GLRB: variants seen among roughly 807,000 people sequenced by gnomAD.
GLRB encodes the protein glycine receptor subunit beta.
Under a neutral mutation model 54.2 loss-of-function variants are expected in GLRB, and 33 were observed. That is an observed-to-expected ratio of 0.61 (90% CI 0.46 to 0.81). The LOEUF is 0.81. Ranked by LOEUF, GLRB falls within the 40% of genes least tolerant of loss-of-function variation. The probability of loss-of-function intolerance (pLI) is 0.00; values close to 1 mark genes in which losing one functional copy is unlikely to be tolerated. For missense variants in GLRB, 572 were observed against 584.6 expected, an observed-to-expected ratio of 0.98 and a Z score of 0.22; for synonymous variants, 209 against 208.2, an observed-to-expected ratio of 1.00 and a Z score of -0.03.
chr4:157,088,809 T>G (rs1734503711), intron 2 of GLRB, among the ~76,000 whole-genome samples: 1 of 152,176 alleles, frequency 6.6e-6, no homozygotes. Flanking sequence ...CTTTTTTTCC[T>G]AAGTGCTTAC....
At chr4:157,108,122 G>A (rs551951441) in intron 2 of GLRB, among the ~76,000 whole-genome samples, 1 of 152,156 alleles carries the variant, frequency 6.6e-6, no homozygotes, top group South Asian at 2.1e-4. Flanking sequence ...ACTGCTCATT[G>A]ACAATGCACC....
rs374406425 is a variant in GLRB at position 157,162,718 on chromosome 4, C to T, written c.1198-7714C>T. Among the ~76,000 whole-genome samples, 161 of 152,242 alleles carry T rather than the reference C, an allele frequency of 1.1e-3. 4 individuals carry two copies. The South Asian group carries it at 0.032, about 30-fold the overall frequency. On this transcript the variant is annotated intron_variant, in intron 9 of 9. Transcript: ENST00000264428. Reference sequence around the variant, plus strand: ...GGAGGGTTCGTCTCAGTGGGGCACCCGGCTGTATGAGGTGTCAGTTGGCCC... The same window carrying T: ...GGAGGGTTCGTCTCAGTGGGGCACCTGGCTGTATGAGGTGTCAGTTGGCCC...
In GLRB at chr4:157,138,745, G is replaced by T. The variant is rs183424970; in HGVS notation, c.611-64G>T. 3.0e-4 allele frequency: 245 copies of T among 828,888 alleles called. No homozygotes were observed. The African/African-American group carries it at 3.6e-3, about 12-fold the overall frequency. The allele number at this position is 828,888 out of a possible 1,614,324, so 51.3% of individuals were successfully genotyped here. A position where few individuals can be genotyped will look rare whatever the true frequency, so the allele number is the denominator to read the frequency against. On this transcript the variant is annotated intron_variant, in intron 6 of 9. Transcript: ENST00000264428. ...TTGCTATGTTTAAGATTTGAATTAT[G>T]AAAATATTTAAAAAGCATTATTAAT...
At chr4:157,156,490 A>G (rs1347735023) in intron 9 of GLRB, among the ~76,000 whole-genome samples, 1 of 152,130 alleles carries the variant, frequency 6.6e-6, no homozygotes, top group African/African-American at 2.4e-5. Flanking sequence ...GTTGAACAGC[A>G]ATAATCTGAC....
At chr4:157,089,058 A>T (rs1485609328) in intron 2 of GLRB, among the ~76,000 whole-genome samples, 1 of 152,216 alleles carries the variant, frequency 6.6e-6, no homozygotes, top group Non-Finnish European at 1.5e-5. Flanking sequence ...CCACTTAATC[A>T]TTCTATTAAG....
In GLRB at chr4:157,171,572, A is replaced by T. The variant is rs1169916287; in HGVS notation, c.*844A>T. 3 of 152,326 alleles carry T rather than the reference A, an allele frequency of 2.0e-5. No individual in the cohort carries two copies. The highest frequency in any genetic ancestry group is 6.6e-5 in the Admixed American group (1 of 15,228). 9.4% of individuals were successfully genotyped at this position (152,326 alleles called of 1,614,324 possible). A position where few individuals can be genotyped will look rare whatever the true frequency, so the allele number is the denominator to read the frequency against. On this transcript the variant is annotated 3_prime_UTR_variant, in exon 10 of 10. Transcript: ENST00000264428. Reference sequence around the variant, plus strand: ...CTTTTAAATTGGAATGCAGTAATAGATATGTGATTTTACATCATTTTTAAG... The same window carrying T: ...CTTTTAAATTGGAATGCAGTAATAGTTATGTGATTTTACATCATTTTTAAG...
At position 157,153,002 on chromosome 4, in the gene GLRB, A is replaced by T; in HGVS notation, c.1189A>T (p.Thr397Ser). 2.5e-6 allele frequency: 4 copies of T among 1,612,790 alleles called. No individual in the cohort carries two copies. The highest frequency in any genetic ancestry group is 3.4e-6 in the Non-Finnish European group (4 of 1,178,862). ...NGTGTPVHIS[T>S]LQVGETRCKK... is the part of the protein sequence containing the mutation. ...AACAGGGACTCCTGTTCATATTAGC[A>T]CTTTGCAGGTAAGGATAAAATTATG... Residue 397 changes from threonine (T) to serine (S), a missense_variant, in exon 9 of 10, where the codon ACT becomes TCT. By Grantham distance (58) the Thr-to-Ser change is moderately conservative. Coordinates refer to ENST00000264428, the MANE Select transcript of GLRB (RefSeq NM_000824.5).
chr4:157,110,576 G>C (rs1463354211), intron 2 of GLRB, among the ~76,000 whole-genome samples: 1 of 151,964 alleles, frequency 6.6e-6, no homozygotes, highest in Non-Finnish European at 1.5e-5. Context: ...ATAAAGATAT[G>C]ACTGTTTGTT....
chr4:157,084,433 A>G (rs1734333480), intron 2 of GLRB, among the ~76,000 whole-genome samples: 1 of 152,268 alleles, frequency 6.6e-6, no homozygotes, highest in African/African-American at 2.4e-5. Flanking sequence ...GAGGGCTGCT[A>G]TTATTTACAG....
At chr4:157,106,725 C>T (rs557295009) in intron 2 of GLRB, among the ~76,000 whole-genome samples, 1 of 152,000 alleles carries the variant, frequency 6.6e-6, no homozygotes, top group Non-Finnish European at 1.5e-5. Flanking sequence ...AGAATTACAC[C>T]ATCACCTTCC....
At chr4:157,128,660 G>A (rs1368309411) in intron 4 of GLRB, among the ~76,000 whole-genome samples, 1 of 151,772 alleles carries the variant, frequency 6.6e-6, no homozygotes, top group Non-Finnish European at 1.5e-5. Context: ...AATGGACTAT[G>A]AACATAGATC....
chr4:157,103,572 T>G (rs1357832160), intron 2 of GLRB, among the ~76,000 whole-genome samples: 1 of 152,186 alleles, frequency 6.6e-6, no homozygotes, highest in Non-Finnish European at 1.5e-5. Flanking sequence ...TTGTAAAAAT[T>G]TTCTATATGA....
intron 9 of GLRB, among the ~76,000 whole-genome samples, chr4:157,162,340 C>T (rs1472786171): frequency 1.2e-4 from 19 of 152,230 alleles, no homozygotes; most frequent in African/African-American, 4.6e-4. Context: ...TCTCTCAACT[C>T]GTCAAAGTCA....
At chr4:157,126,805 G>T (rs906389248) in intron 4 of GLRB, among the ~76,000 whole-genome samples, 3 of 151,768 alleles carry the variant, frequency 2.0e-5, no homozygotes, top group Non-Finnish European at 4.4e-5. Flanking sequence ...GTATTATCGT[G>T]TATTGTCATA....
intron 7 of GLRB, among the ~76,000 whole-genome samples, chr4:157,142,388 T>C (rs930232678): frequency 1.3e-5 from 2 of 152,152 alleles, no homozygotes; most frequent in Non-Finnish European, 2.9e-5. Flanking sequence ...ATAAATAGAA[T>C]TTGCTTCAGT....
chr4:157,166,387 G>T (rs967958707), intron 9 of GLRB, among the ~76,000 whole-genome samples: 141 of 152,064 alleles, frequency 9.3e-4, no homozygotes, highest in African/African-American at 3.1e-3. Flanking sequence ...GTTTAAAATA[G>T]TATTTATAGT....
rs70958808 is a variant in GLRB at position 157,093,754 on chromosome 4, CAAAAAA to C, written c.122+15627_122+15632del. Among the ~76,000 whole-genome samples the C allele has an allele frequency of 0.012, 708 of 60,836 alleles. 9 individuals are homozygous for C. In the East Asian group the frequency reaches 0.15, roughly 13 times the overall value. The allele number at this position is 60,836 out of a possible 152,430, so 39.9% of individuals were successfully genotyped here. On this transcript the variant is annotated intron_variant, in intron 2 of 9. Coordinates refer to ENST00000264428, the MANE Select transcript of GLRB (RefSeq NM_000824.5). ...TGGGCGACAGAGCGAGACTCCATCT[CAAAAAA>C]AAAAAAAAAAAAAAAAAATACATGG...
chr4:157,110,963 A>G (rs950778536), intron 2 of GLRB, among the ~76,000 whole-genome samples: 1 of 152,036 alleles, frequency 6.6e-6, no homozygotes, highest in African/African-American at 2.4e-5. Context: ...TCTATGATCC[A>G]TCTCTTTTCC....
At chr4:157,115,125 G>C (rs1013431530) in intron 2 of GLRB, among the ~76,000 whole-genome samples, 1 of 151,556 alleles carries the variant, frequency 6.6e-6, no homozygotes, top group African/African-American at 2.4e-5. Flanking sequence ...ATGGACTCTG[G>C]AATTTTTATT....
Sources: allele counts gnomAD v4.1 joint callset (sites outside exome capture counted in the v4.1 genomes callset), GRCh38; gene constraint gnomAD v4.1.1; transcripts MANE v1.5; gene names NCBI Gene and HGNC (gene_info 2026-07-23, HGNC 2026-07-21).